SKIC3: variants seen among roughly 807,000 people sequenced by gnomAD.
SKIC3 encodes the protein superkiller complex protein 3.
chr5:95,478,428 C>G, the SKIC3 span: 1 of 1,613,814 alleles, frequency 6.2e-7, no homozygotes, highest in Admixed American at 1.7e-5. Flanking sequence ...GGGATTGATA[C>G]ACATGTGCCA....
At chr5:95,513,407 A>T in the SKIC3 span, 2 of 719,628 alleles carry the variant, frequency 2.8e-6, no homozygotes, top group South Asian at 3.1e-5. Context: ...GGGTCTTGCT[A>T]TATTGTCCAG....
the SKIC3 span, among the ~76,000 whole-genome samples, chr5:95,491,791 G>T: frequency 0.86 from 130,181 of 152,244 alleles, 55,997 homozygotes; most frequent in African/African-American, 0.95. Context: ...TTTTTATAAA[G>T]CTTATTTTGC....
At chr5:95,533,762 CTA>C in the SKIC3 span, among the ~76,000 whole-genome samples, 1 of 152,146 alleles carries the variant, frequency 6.6e-6, no homozygotes, top group Admixed American at 6.5e-5. Context: ...AATCCCTTCA[CTA>C]TGTCTTTATC....
chr5:95,464,524 A>G, the SKIC3 span: 1 of 1,072,788 alleles, frequency 9.3e-7, no homozygotes, highest in South Asian at 1.4e-5. Flanking sequence ...GTTTAAAAAA[A>G]TGTTGCTTTG....
chr5:95,511,572 A>G, the SKIC3 span, among the ~76,000 whole-genome samples: 1 of 152,120 alleles, frequency 6.6e-6, no homozygotes, highest in East Asian at 1.9e-4. Context: ...CAATCCCCAC[A>G]ATATCTACAG....
chr5:95,500,580 T>A, the SKIC3 span, among the ~76,000 whole-genome samples: 2 of 152,168 alleles, frequency 1.3e-5, no homozygotes, highest in Admixed American at 1.3e-4. Flanking sequence ...CTAGTACCAT[T>A]ATCCAAACGG....
the SKIC3 span, among the ~76,000 whole-genome samples, chr5:95,468,440 T>C: frequency 6.6e-6 from 1 of 152,182 alleles, no homozygotes. Context: ...AATGTCTACA[T>C]TACAGGCTAT....
chr5:95,527,904 C>T, the SKIC3 span: 1 of 1,215,234 alleles, frequency 8.2e-7, no homozygotes, highest in Non-Finnish European at 1.2e-6. Context: ...TGAATTCATA[C>T]CTCTAACACA....
At chr5:95,541,244 G>A in the SKIC3 span, 4 of 1,507,556 alleles carry the variant, frequency 2.7e-6, no homozygotes, top group Non-Finnish European at 2.8e-6. Context: ...GGGATTACAG[G>A]TGTGAGTCAC....
chr5:95,492,149 CTACCT>C, the SKIC3 span, among the ~76,000 whole-genome samples: 1,940 of 152,202 alleles, frequency 0.013, 20 homozygotes, highest in South Asian at 0.041. Context: ...CAAATAATAA[CTACCT>C]TATTTTAAGG....
At chr5:95,464,799 T>C in the SKIC3 span, 141,690 of 753,846 alleles carry the variant, frequency 0.19, 16,675 homozygotes, top group African/African-American at 0.44. Flanking sequence ...CATCAAACTA[T>C]ACTAGGAAAA....
the SKIC3 span, among the ~76,000 whole-genome samples, chr5:95,497,641 A>G: frequency 4.6e-5 from 7 of 152,168 alleles, no homozygotes; most frequent in Non-Finnish European, 8.8e-5. Flanking sequence ...TTTTTAGAAA[A>G]CATACTTTAT....
chr5:95,543,987 T>C, the SKIC3 span, among the ~76,000 whole-genome samples: 4 of 152,176 alleles, frequency 2.6e-5, no homozygotes, highest in Admixed American at 2.6e-4. Flanking sequence ...ACAAAACCAG[T>C]AGCCAAAATG....
the SKIC3 span, chr5:95,548,699 A>T: frequency 2.6e-5 from 4 of 151,604 alleles, no homozygotes; most frequent in Non-Finnish European, 5.9e-5. Context: ...TCCTTTGGTT[A>T]AAAAAAACCC....
At chr5:95,527,857 C>T in the SKIC3 span, among the ~76,000 whole-genome samples, 37 of 152,216 alleles carry the variant, frequency 2.4e-4, 1 homozygote, top group African/African-American at 8.7e-4. Flanking sequence ...TTAGAAGTTC[C>T]CAAATGTATG....
the SKIC3 span, among the ~76,000 whole-genome samples, chr5:95,471,782 T>C: frequency 6.6e-6 from 1 of 152,148 alleles, no homozygotes; most frequent in African/African-American, 2.4e-5. Context: ...CTCTCCAGGG[T>C]TGACAGATAT....
At chr5:95,498,450 C>CCT in the SKIC3 span, 5 of 1,614,102 alleles carry the variant, frequency 3.1e-6, no homozygotes, top group East Asian at 1.1e-4. Context: ...TAAGAAGGCA[C>CCT]CTCTGATAAT....
At chr5:95,502,914 T>C in the SKIC3 span, 2 of 1,614,078 alleles carry the variant, frequency 1.2e-6, no homozygotes, top group Non-Finnish European at 1.7e-6. Context: ...ACATCCGTTT[T>C]TCCTTGTTTA....
At chr5:95,467,943 G>C in the SKIC3 span, 1 of 1,613,372 alleles carries the variant, frequency 6.2e-7, no homozygotes, top group African/African-American at 1.3e-5. Flanking sequence ...ATAGATTTGG[G>C]ATACCCAGGC....
Sources: allele counts gnomAD v4.1 joint callset (sites outside exome capture counted in the v4.1 genomes callset), GRCh38; gene constraint gnomAD v4.1.1; transcripts MANE v1.5; gene names NCBI Gene and HGNC (gene_info 2026-07-23, HGNC 2026-07-21).